CTNND2: variants seen among roughly 807,000 people sequenced by gnomAD.
The protein encoded by CTNND2 is catenin delta-2.
CTNND2 carries 22 observed loss-of-function variants against 144.4 expected under a neutral mutation model. That is an observed-to-expected ratio of 0.15 (90% confidence interval 0.11 to 0.22). The LOEUF is 0.22. Ranked by LOEUF, CTNND2 falls within the 10% of genes least tolerant of loss-of-function variation. CTNND2 has a pLI of 1.00. For synonymous variants in CTNND2, 751 were observed against 695.6 expected, an observed-to-expected ratio of 1.08 and a Z score of -1.25; for missense variants, 1,353 against 1,618.8, an observed-to-expected ratio of 0.84 and a Z score of 2.82.
rs746965955 is a variant in CTNND2, at chr5:11,159,594, T to A, written c.2141A>T (p.Asn714Ile). The A allele has an allele frequency of 6.2e-7, 1 of 1,611,856 alleles. No individual in the cohort carries two copies. The highest frequency in any genetic ancestry group is 8.5e-7 in the Non-Finnish European group (1 of 1,179,028). ...GACTGACCTTAGGCACCCGGTGGCG[T>A]TACGCAGCACCTGTGATGAATGCAG... Reference protein sequence around the residue: ...IQLHSSQVLRNATGCLRNVSS... With the variant: ...IQLHSSQVLRIATGCLRNVSS... The change falls in exon 12 of 22, where the codon AAC (asparagine) becomes ATC (isoleucine). Residue 714 changes from asparagine to isoleucine, a missense_variant. Around this residue, in one of 4 missense-constraint regions of CTNND2, gnomAD observed 117 missense variants for 117.8 expected, o/e 0.99. Transcript: ENST00000304623.
intron 12 of CTNND2, among the ~76,000 whole-genome samples, chr5:11,120,119 C>G (rs1753937961): frequency 6.6e-6 from 1 of 152,144 alleles, no homozygotes; most frequent in African/African-American, 2.4e-5. Context: ...TAATTGGCTA[C>G]TATATTACAA....
At chr5:11,623,729 T>C (rs930358596) in intron 2 of CTNND2, among the ~76,000 whole-genome samples, 6 of 144,182 alleles carry the variant, frequency 4.2e-5, no homozygotes, top group Admixed American at 3.5e-4. Flanking sequence ...ATCCAAAAAA[T>C]ACAAAGGGTA....
intron 10 of CTNND2, among the ~76,000 whole-genome samples, chr5:11,214,906 G>T (rs1489722077): frequency 6.6e-6 from 1 of 151,942 alleles, no homozygotes; most frequent in African/African-American, 2.4e-5. Flanking sequence ...CCTTCTCTAG[G>T]TTCCATCTTA....
At chr5:11,215,151 T>C (rs1433229880) in intron 10 of CTNND2, among the ~76,000 whole-genome samples, 1 of 152,200 alleles carries the variant, frequency 6.6e-6, no homozygotes, top group Non-Finnish European at 1.5e-5. Flanking sequence ...ATATGTCTGA[T>C]TGGAACGTCT....
intron 5 of CTNND2, among the ~76,000 whole-genome samples, chr5:11,405,843 A>G (rs1293804667): frequency 1.3e-5 from 2 of 152,180 alleles, no homozygotes; most frequent in Admixed American, 1.3e-4. Flanking sequence ...CATGGACACC[A>G]TGACAAACCT....
chr5:11,338,001 A>G (rs1212232090), intron 9 of CTNND2, among the ~76,000 whole-genome samples: 5 of 152,226 alleles, frequency 3.3e-5, no homozygotes, highest in Non-Finnish European at 5.9e-5. Flanking sequence ...AAAGTTCTGG[A>G]AAGATGGAAT....
At chr5:11,490,092 G>A (rs1455593306) in intron 3 of CTNND2, among the ~76,000 whole-genome samples, 1 of 152,158 alleles carries the variant, frequency 6.6e-6, no homozygotes, top group Non-Finnish European at 1.5e-5. Flanking sequence ...AGCTTCTCCT[G>A]AGGGTCTAAC....
At position 11,303,915 on chromosome 5, in the gene CTNND2, C is replaced by T. The variant is rs192973696; in HGVS notation, c.1628+42457G>A. Among the ~76,000 whole-genome samples, 3 of 152,122 alleles carry T rather than the reference C, an allele frequency of 2.0e-5. No individual in the cohort carries two copies. In the East Asian group the frequency reaches 5.8e-4, roughly 29 times the overall value. On this transcript the variant is annotated intron_variant, in intron 9 of 21. Coordinates refer to ENST00000304623, the MANE Select transcript of CTNND2 (RefSeq NM_001332.4). ...TAACTGAATCATGGGGGCGGTTTCCCCCATACTGTTCTCATGATAGTGAAT... is the reference window on the plus strand; with the variant it reads ...TAACTGAATCATGGGGGCGGTTTCCTCCATACTGTTCTCATGATAGTGAAT...
chr5:10,992,183 G>T (rs2149499506), intron 19 of CTNND2, among the ~76,000 whole-genome samples: 1 of 152,292 alleles, frequency 6.6e-6, no homozygotes, highest in South Asian at 2.1e-4. Context: ...CTCTTAACAT[G>T]CTGGGATTAC....
At chr5:11,131,043 A>G (rs938187485) in intron 12 of CTNND2, among the ~76,000 whole-genome samples, 3 of 152,212 alleles carry the variant, frequency 2.0e-5, no homozygotes, top group African/African-American at 7.2e-5. Flanking sequence ...AAAGTTACAA[A>G]CACAGCGAAA....
At chr5:11,390,918 A>G (rs1472985560) in intron 6 of CTNND2, among the ~76,000 whole-genome samples, 5 of 152,170 alleles carry the variant, frequency 3.3e-5, no homozygotes, top group African/African-American at 1.2e-4. Context: ...GGAGCAGTGT[A>G]CCCATGCAAG....
At chr5:11,046,620 C>T (rs1291738633) in intron 16 of CTNND2, among the ~76,000 whole-genome samples, 1 of 152,190 alleles carries the variant, frequency 6.6e-6, no homozygotes, top group Non-Finnish European at 1.5e-5. Context: ...AATCATGTCT[C>T]ATCAGTCATA....
chr5:11,841,918 T>C (rs961480664), intron 1 of CTNND2, among the ~76,000 whole-genome samples: 1 of 151,744 alleles, frequency 6.6e-6, no homozygotes, highest in Admixed American at 6.6e-5. Context: ...TTATGAATAG[T>C]ACCTCTCATC....
chr5:11,652,724 T>C (rs1315545128), intron 2 of CTNND2, among the ~76,000 whole-genome samples: 1 of 152,196 alleles, frequency 6.6e-6, no homozygotes, highest in Non-Finnish European at 1.5e-5. Flanking sequence ...TGTATGAAGT[T>C]GTGTGTGTGA....
intron 3 of CTNND2, among the ~76,000 whole-genome samples, chr5:11,524,936 A>G (rs1773094071): frequency 6.6e-6 from 1 of 152,284 alleles, no homozygotes; most frequent in South Asian, 2.1e-4. Flanking sequence ...ATGTTCATTG[A>G]TCCATAGCTT....
At chr5:11,731,349 C>T (rs1787375407) in intron 2 of CTNND2, among the ~76,000 whole-genome samples, 1 of 152,192 alleles carries the variant, frequency 6.6e-6, no homozygotes, top group African/African-American at 2.4e-5. Flanking sequence ...TTTAGGCTCT[C>T]GCTCTGCTGA....
At chr5:11,825,821 C>A (rs1934674313) in intron 1 of CTNND2, among the ~76,000 whole-genome samples, 1 of 151,972 alleles carries the variant, frequency 6.6e-6, no homozygotes, top group African/African-American at 2.4e-5. Context: ...AGGCAAATAA[C>A]AACGATGCAA....
intron 11 of CTNND2, among the ~76,000 whole-genome samples, chr5:11,176,376 AG>A (rs1760481112): frequency 1.3e-5 from 2 of 151,998 alleles, no homozygotes; most frequent in Admixed American, 1.3e-4. Flanking sequence ...AGGTGTAAAA[AG>A]GCTTTGGAAA....
At chr5:11,419,483 A>T (rs1487147314) in intron 3 of CTNND2, among the ~76,000 whole-genome samples, 1 of 152,204 alleles carries the variant, frequency 6.6e-6, no homozygotes, top group Admixed American at 6.5e-5. Context: ...GTTTAGAGAT[A>T]CACTAACTTC....
Sources: gnomAD v4.1 joint callset for allele counts (sites outside exome capture counted in the v4.1 genomes callset) on GRCh38, gnomAD v4.1.1 for gene constraint, gnomAD v4.1.1 regional missense constraint, MANE v1.5 for transcripts, NCBI Gene and HGNC (gene_info 2026-07-23, HGNC 2026-07-21) for gene names.